The following AARS1 variants were observed in gnomAD, a reference collection of about 807,000 sequenced individuals.
The protein encoded by AARS1 is alanyl-tRNA synthetase 1.
AARS1 carries 72 observed loss-of-function variants against 108.9 expected under a neutral mutation model. That is an observed-to-expected ratio of 0.66 (90% CI 0.55 to 0.80). The LOEUF is 0.80. Among genes scored for constraint, AARS1 ranks in the 30% least tolerant of loss-of-function variants. The probability of loss-of-function intolerance (pLI) is 0.00; values close to 1 mark genes in which losing one functional copy is unlikely to be tolerated. For missense variants in AARS1, 1,193 were observed against 1,233.2 expected (o/e 0.97, Z 0.49); for synonymous variants, 489 against 465.7 (o/e 1.05, Z -0.64).
At chr16:70,254,881 G>A in intron 16 of AARS1, 147 bp from the exon 17 acceptor site, 2 of 664,702 alleles carry the variant, frequency 3.0e-6, no homozygotes, top group South Asian at 1.6e-5. Flanking sequence ...GTAGGTGCTG[G>A]CAGCCCCAGG....
At chr16:70,253,844 A>T in intron 18 of AARS1, 44 bp from the exon 19 acceptor site, 1 of 1,614,236 alleles carries the variant, frequency 6.2e-7, no homozygotes, top group Non-Finnish European at 8.5e-7. Flanking sequence ...CCAAAAGCCC[A>T]GGCCCCGAAC....
Position 70,265,042 on chromosome 16 carries a change from T to A in AARS1, c.1408A>T (p.Ile470Phe), listed in dbSNP as rs879254145. ...EDLIMLDIYAIEELRARGLEV... is the reference protein window; with the variant it reads ...EDLIMLDIYAFEELRARGLEV... Reference sequence around the variant, plus strand: ...AGACCCCGTGCCCGGAGCTCTTCGATAGCGTAAATGTCCAGCATAATGAGG... The same window carrying A: ...AGACCCCGTGCCCGGAGCTCTTCGAAAGCGTAAATGTCCAGCATAATGAGG... The change falls in exon 11 of 21, where the codon ATC (isoleucine) becomes TTC (phenylalanine). Residue 470 changes from isoleucine (I) to phenylalanine (F), a missense_variant. Coordinates refer to ENST00000261772, the MANE Select transcript of AARS1 (RefSeq NM_001605.3). 6 of 1,614,176 alleles carry A rather than the reference T, an allele frequency of 3.7e-6. No homozygotes were observed. Among genetic ancestry groups the A allele is most frequent in the Non-Finnish European group, 4.2e-6 (5 of 1,180,038 alleles).
At position 70,252,507 on chromosome 16, in the gene AARS1, C is replaced by T. The variant is rs539696948; in HGVS notation, c.*214G>A. 3 of 596,708 alleles carry T rather than the reference C, an allele frequency of 5.0e-6. No homozygotes were observed. Among genetic ancestry groups the T allele is most frequent in the East Asian group, 2.8e-5 (1 of 35,198 alleles). 37.0% of individuals were successfully genotyped at this position (596,708 alleles called of 1,614,324 possible). ...GCGAGCGTGACGATCAACAGCAATG[C>T]GGGGTTAGTGGTTCTAGACCGATGG... On this transcript the variant is annotated 3_prime_UTR_variant, in exon 21 of 21. Transcript: ENST00000261772.
chr16:70,253,053 G>T, intron 20 of AARS1, 147 bp from the exon 21 acceptor site: 1 of 1,039,456 alleles, frequency 9.6e-7, no homozygotes, highest in East Asian at 2.6e-5. Flanking sequence ...GGCTGGTACA[G>T]GGGGCGGCCA....
rs71928705 is a variant in AARS1, at chr16:70,272,889, G to GACACACACACACACACACACACAC, written c.480-941_480-918dup. Among the ~76,000 whole-genome samples, 40 of 140,376 alleles carry GACACACACACACACACACACACAC rather than the reference G, an allele frequency of 2.8e-4. 1 individual carries two copies. The highest frequency in any genetic ancestry group is 8.2e-4 in the East Asian group (4 of 4,882). The allele number at this position is 140,376 out of a possible 152,430, so 92.1% of individuals were successfully genotyped here. A position where few individuals can be genotyped will look rare whatever the true frequency, so the allele number is the denominator to read the frequency against. ...CATGCCACTGCACTCCAGCCTGGGTGACACACACACACACACACACACACA... is the reference window on the plus strand; with the variant it reads ...CATGCCACTGCACTCCAGCCTGGGTGACACACACACACACACACACACACACACACACACACACACACACACACA... On this transcript the variant is annotated intron_variant, in intron 4 of 20. Transcript: ENST00000261772.
intron 1 of AARS1, among the ~76,000 whole-genome samples, chr16:70,283,088 G>C (rs542973373): frequency 2.0e-5 from 3 of 152,084 alleles, no homozygotes; most frequent in African/African-American, 7.2e-5. Context: ...TGTCAGGCCC[G>C]AGACTAGGAA....
At chr16:70,258,731 A>G (rs1960058216) in intron 14 of AARS1, among the ~76,000 whole-genome samples, 1 of 152,058 alleles carries the variant, frequency 6.6e-6, no homozygotes, top group Non-Finnish European at 1.5e-5. Flanking sequence ...ACGCCCGGCT[A>G]ATTTTTTCTA....
intron 2 of AARS1, among the ~76,000 whole-genome samples, chr16:70,279,555 G>A (rs1178923273): frequency 6.6e-6 from 1 of 151,090 alleles, no homozygotes; most frequent in Non-Finnish European, 1.5e-5. Context: ...AGCCACTCGG[G>A]AGGGTGAAGC....
At position 70,276,967 on chromosome 16, in the gene AARS1, TTAAAG is replaced by T. The variant is rs763937206; in HGVS notation, c.327_331del (p.Tyr109Ter). ...GTGGTTCTTCTGCTCTGAACTTACC[TTAAAG>T]TAATCTCCAAAAGACCAAGAGCCCA... On this transcript the variant is annotated stop_gained and frameshift_variant and splice_region_variant, in exon 3 of 21. Transcript: ENST00000261772. LOFTEE classifies it high-confidence loss of function. The T allele has an allele frequency of 5.0e-6, 8 of 1,614,032 alleles. No individual in the cohort carries two copies. Among genetic ancestry groups the T allele is most frequent in the African/African-American group, 1.3e-5 (1 of 74,930 alleles).
chr16:70,265,509 G>A (rs771468162), intron 10 of AARS1, 29 bp downstream of exon 10: 2 of 1,613,384 alleles, frequency 1.2e-6, no homozygotes, highest in Middle Eastern at 1.7e-4. Context: ...AAGGTGTTGG[G>A]TTTCCTGTTC....
chr16:70,255,763 T>C lies in AARS1; in HGVS notation c.2251A>G (p.Arg751Gly), dbSNP rs143370729. The C allele has an allele frequency of 1.4e-4, 218 of 1,614,142 alleles. No individual in the cohort carries two copies. The highest frequency in any genetic ancestry group is 1.8e-4 in the Non-Finnish European group (210 of 1,180,020). Residue 751 changes from arginine to glycine, a missense_variant, in exon 16 of 21, where the codon AGG (arginine) becomes GGG (glycine). Coordinates refer to ENST00000261772, the MANE Select transcript of AARS1 (RefSeq NM_001605.3). ...TEEAIAKGIR[R>G]IVAVTGAEAQ... ...TCGGCACCTGTGACAGCCACAATCC[T>C]CCGGATACCCTTGGCAATGGCTTCT... is the stretch of plus-strand genomic sequence containing the variant.
intron 1 of AARS1, among the ~76,000 whole-genome samples, chr16:70,288,670 G>C (rs1208324305): frequency 6.6e-6 from 1 of 150,666 alleles, no homozygotes; most frequent in Non-Finnish European, 1.5e-5. Flanking sequence ...GGGTTCAAGC[G>C]ATTCTCATGC....
chr16:70,253,325 C>T lies in AARS1; in HGVS notation c.2664G>A (p.Met888Ile). Reference sequence around the variant, plus strand: ...CAGCCTCATTGTCCACCGTGAAGAGCATGGCAGAAGTCTGAGGGGAGTGCA... The same window carrying T: ...CAGCCTCATTGTCCACCGTGAAGAGTATGGCAGAAGTCTGAGGGGAGTGCA... ...FKMHSPQTSAMLFTVDNEAGK... is the reference protein window; with the variant it reads ...FKMHSPQTSAILFTVDNEAGK... Residue 888 changes from methionine (M) to isoleucine (I), a missense_variant, in exon 20 of 21, where the codon ATG becomes ATA. Coordinates refer to ENST00000261772, the MANE Select transcript of AARS1 (RefSeq NM_001605.3). 1 of 1,614,212 alleles carries T rather than the reference C, an allele frequency of 6.2e-7. No homozygotes were observed. The highest frequency in any genetic ancestry group is 1.3e-5 in the African/African-American group (1 of 75,056).
chr16:70,262,410 G>C lies in AARS1; in HGVS notation c.1607C>G (p.Ala536Gly), dbSNP rs1294360001. The C allele has an allele frequency of 4.3e-6, 7 of 1,614,050 alleles. No individual in the cohort carries two copies. Among genetic ancestry groups the C allele is most frequent in the Non-Finnish European group, 5.1e-6 (6 of 1,180,050 alleles). ...GTCATAGATCTGGCCTCCTTGCTCA[G>C]CATAGAAACAGGTCTTGTCCAGCAC... ...GVVLDKTCFY[A>G]EQGGQIYDEG... Residue 536 changes from alanine (A) to glycine (G), a missense_variant, in exon 12 of 21, where the codon GCT becomes GGT. Transcript: ENST00000261772.
intron 1 of AARS1, among the ~76,000 whole-genome samples, chr16:70,284,172 G>T (rs941790819): frequency 6.6e-6 from 1 of 152,092 alleles, no homozygotes; most frequent in African/African-American, 2.4e-5. Flanking sequence ...CGGGCGTGGT[G>T]GCAGGCGCCT....
intron 2 of AARS1, 73 bp downstream of exon 2, chr16:70,282,547 G>C (rs1960726865): frequency 3.2e-6 from 5 of 1,577,982 alleles, no homozygotes; most frequent in African/African-American, 1.3e-5. Flanking sequence ...TCTGACCCCA[G>C]GGCTGTGCTT....
chr16:70,258,063 G>A lies in AARS1; in HGVS notation c.2147C>T (p.Ser716Phe), dbSNP rs1490961145. 1 of 1,614,130 alleles carries A rather than the reference G, an allele frequency of 6.2e-7. No individual in the cohort carries two copies. Among genetic ancestry groups the A allele is most frequent in the Non-Finnish European group, 8.5e-7 (1 of 1,180,014 alleles). ...LLDDPSGPAG[S>F]LTSVEFCGGT... ...CCCACAGAACTCAACAGAAGTCAGG[G>A]AGCCAGCAGGCCCAGAGGGGTCATC... Residue 716 changes from serine (S) to phenylalanine (F), a missense_variant, in exon 15 of 21, where the codon TCC (serine) becomes TTC (phenylalanine). Transcript: ENST00000261772.
chr16:70,253,628 C>G, intron 19 of AARS1, 86 bp downstream of exon 19: 1 of 1,473,212 alleles, frequency 6.8e-7, no homozygotes, highest in Non-Finnish European at 9.4e-7. Flanking sequence ...CTTAGGCAAC[C>G]ACTTCGCTCA....
intron 2 of AARS1, among the ~76,000 whole-genome samples, chr16:70,277,758 C>CTTTT (rs573677725): frequency 1.5e-5 from 2 of 137,822 alleles, no homozygotes; most frequent in Non-Finnish European, 3.2e-5. Flanking sequence ...CCACTAGACA[C>CTTTT]TTTTTTTTTT....
Sources: gnomAD v4.1 joint callset for allele counts (sites outside exome capture counted in the v4.1 genomes callset) on GRCh38, gnomAD v4.1.1 for gene constraint, MANE v1.5 for transcripts, NCBI Gene and HGNC (gene_info 2026-07-23, HGNC 2026-07-21) for gene names.